Variants in AFF4 observed in about 807,000 individuals in gnomAD.
The protein encoded by AFF4 is AF4/FMR2 family member 4.
A neutral mutation model predicts 124.8 loss-of-function variants in AFF4; 13 were observed. The ratio of observed to expected loss-of-function variants is 0.10; its 90% confidence interval spans 0.07 to 0.17. The LOEUF (loss-of-function observed/expected upper bound fraction) is 0.17. AFF4 is among the 10% of genes least tolerant of loss of function. The probability of loss-of-function intolerance (pLI) is 1.00; values close to 1 mark genes in which losing one functional copy is unlikely to be tolerated. For missense variants in AFF4, 1,092 were observed against 1,403.8 expected, an observed-to-expected ratio of 0.78 and a Z score of 3.55; for synonymous variants, 477 against 496.1, an observed-to-expected ratio of 0.96 and a Z score of 0.51.
intron 3 of AFF4, among the ~76,000 whole-genome samples, chr5:132,933,172 C>A (rs565733418): frequency 4.0e-5 from 6 of 150,230 alleles, no homozygotes; most frequent in Non-Finnish European, 8.9e-5. Flanking sequence ...CCGAGGCGGG[C>A]GGATCACGTG....
At chr5:132,887,445 T>C in intron 17 of AFF4, 76 bp downstream of exon 17, 2 of 1,332,054 alleles carry the variant, frequency 1.5e-6, no homozygotes, top group Non-Finnish European at 2.1e-6. Flanking sequence ...AAGGAAAACA[T>C]TCAGAAGAGC....
At chr5:132,955,795 A>AATATATAT (rs966690877) in intron 1 of AFF4, among the ~76,000 whole-genome samples, 3 of 117,558 alleles carry the variant, frequency 2.6e-5, no homozygotes, top group African/African-American at 1.1e-4. Context: ...AAAAAAAAAA[A>AATATATAT]ATATATATAT....
chr5:132,888,567 A>T (rs750509209), intron 14 of AFF4, among the ~76,000 whole-genome samples: 8 of 152,216 alleles, frequency 5.3e-5, no homozygotes, highest in Non-Finnish European at 1.2e-4. Context: ...TGGAAGGCAG[A>T]TCATTCACAT....
chr5:132,879,604 A>G lies in AFF4; in HGVS notation c.*1455T>C, dbSNP rs1323055671. ...CTAGTGTAAAACTTCATTTGTAAAC[A>G]ATCCATAGAGTCTTCATTTAAAGGT... On this transcript the variant is annotated 3_prime_UTR_variant, in exon 21 of 21. Transcript: ENST00000265343. 4.8e-6 allele frequency: 1 copy of G among 208,428 alleles called. No homozygotes were observed. The highest frequency in any genetic ancestry group is 9.8e-6 in the Non-Finnish European group (1 of 102,154). 12.9% of individuals were successfully genotyped at this position (208,428 alleles called of 1,614,324 possible). A position where few individuals can be genotyped will look rare whatever the true frequency, so the allele number is the denominator to read the frequency against.
At chr5:132,935,037 G>A in intron 2 of AFF4, 96 bp from the exon 3 acceptor site, 1 of 1,019,050 alleles carries the variant, frequency 9.8e-7, no homozygotes, top group East Asian at 2.7e-5. Flanking sequence ...AATGGAAAGG[G>A]GCTTTTCAAA....
chr5:132,895,899 T>C (rs565476934), intron 11 of AFF4, among the ~76,000 whole-genome samples: 3 of 141,434 alleles, frequency 2.1e-5, no homozygotes, highest in South Asian at 2.2e-4. Context: ...TAGAGGTGCA[T>C]AGCAGATTAG....
chr5:132,931,084 G>A (rs58604748), intron 4 of AFF4, among the ~76,000 whole-genome samples: 16,995 of 146,256 alleles, frequency 0.12, 1,243 homozygotes, highest in South Asian at 0.19. Flanking sequence ...TCCAACCTGG[G>A]TGACAGAGTA....
At chr5:132,931,966 AC>A (rs1307589119) in intron 4 of AFF4, among the ~76,000 whole-genome samples, 1 of 152,058 alleles carries the variant, frequency 6.6e-6, no homozygotes, top group Non-Finnish European at 1.5e-5. Flanking sequence ...AACAACAACA[AC>A]AAAAAAAAAC....
intron 6 of AFF4, among the ~76,000 whole-genome samples, chr5:132,902,879 AC>A (rs1760584783): frequency 6.6e-6 from 1 of 152,216 alleles, no homozygotes; most frequent in African/African-American, 2.4e-5. Context: ...AATGGCAAAA[AC>A]TGGAAAAAAA....
At chr5:132,939,138 A>G (rs1157328445) in intron 1 of AFF4, among the ~76,000 whole-genome samples, 1 of 151,110 alleles carries the variant, frequency 6.6e-6, no homozygotes, top group Non-Finnish European at 1.5e-5. Flanking sequence ...AATCACTTGA[A>G]TCCAGGAGGC....
At chr5:132,897,709 TAAA>T (rs35269196) in intron 10 of AFF4, among the ~76,000 whole-genome samples, 5 of 144,532 alleles carry the variant, frequency 3.5e-5, no homozygotes, top group Non-Finnish European at 6.0e-5. Flanking sequence ...GACTCCATCT[TAAA>T]AAAAAAAAAA....
chr5:132,949,698 ACACGCGCGCG>A (rs1217128126), intron 1 of AFF4, among the ~76,000 whole-genome samples: 1 of 142,036 alleles, frequency 7.0e-6, no homozygotes, highest in Admixed American at 6.9e-5. Flanking sequence ...ACACACACAC[ACACGCGCGCG>A]CGCGCGCGCC....
At position 132,883,534 on chromosome 5, in the gene AFF4, A is replaced by G. The variant is rs1484284468; in HGVS notation, c.3170T>C (p.Val1057Ala). The G allele has an allele frequency of 2.5e-6, 4 of 1,613,768 alleles. No homozygotes were observed. Among genetic ancestry groups the G allele is most frequent in the Non-Finnish European group, 3.4e-6 (4 of 1,180,038 alleles). The change falls in exon 20 of 21, where the codon GTT becomes GCT. Residue 1057 changes from valine (V) to alanine (A), a missense_variant. By Grantham distance (64) the Val-to-Ala change is moderately conservative. This residue lies in a region of AFF4 where 173 missense variants were observed against 294.9 expected (regional missense o/e 0.59). Coordinates refer to ENST00000265343, the MANE Select transcript of AFF4 (RefSeq NM_014423.4). ...GSKAVGMPSP[V>A]SPKLSPGNSG... ...ATTGCCTGGTGACAGCTTTGGAGAA[A>G]CAGGGGAAGGCATCCCCACAGCTTT... is the stretch of plus-strand genomic sequence containing the variant.
rs66981854 is a variant in AFF4 at position 132,905,048 on chromosome 5, CA to C, written c.1051-645del. 7.0e-3 allele frequency among the ~76,000 whole-genome samples: 827 copies of C among 118,314 alleles called. 6 individuals are homozygous for C. The highest frequency in any genetic ancestry group is 0.029 in the Middle Eastern group (7 of 240). 77.6% of individuals were successfully genotyped at this position (118,314 alleles called of 152,430 possible). A position where few individuals can be genotyped will look rare whatever the true frequency, so the allele number is the denominator to read the frequency against. The stretch of plus-strand genomic sequence containing the variant: ...CTGGCAACAGGGCGAGACTCCATCT[CA>C]AAAAAAAAAAAAAAAAAGTATACCA... On this transcript the variant is annotated intron_variant, in intron 5 of 20. Transcript: ENST00000265343.
rs774082170 is a variant in AFF4, at chr5:132,934,662, G to T, written c.403C>A (p.Arg135=). The T allele has an allele frequency of 1.2e-6, 2 of 1,614,120 alleles. No individual in the cohort carries two copies. Among genetic ancestry groups the T allele is most frequent in the East Asian group, 4.5e-5 (2 of 44,880 alleles). Residue 135 remains arginine, a synonymous_variant, in exon 3 of 21, where the codon CGG becomes AGG. Transcript: ENST00000265343. ...SGLQSGHSSQ[R]TSAGSSSGTN... ...CCACTACTGCTACCTGCGCTGGTCC[G>T]CTGGCTACTATGTCCACTCTGTAAG...
chr5:132,897,841 AATG>A (rs1760447946), intron 10 of AFF4, among the ~76,000 whole-genome samples: 1 of 152,224 alleles, frequency 6.6e-6, no homozygotes, highest in South Asian at 2.1e-4. Flanking sequence ...AAAGTAAACA[AATG>A]ATGTAGGTAC....
In AFF4 at chr5:132,880,940, A is replaced by C. The variant is rs762338359; in HGVS notation, c.*119T>G. On this transcript the variant is annotated 3_prime_UTR_variant, in exon 21 of 21. Coordinates refer to ENST00000265343, the MANE Select transcript of AFF4 (RefSeq NM_014423.4). ...ATCAAAAACAACAACACATGAACCA[A>C]CGAGGAGAAAACTATTCCTCATTCT... The C allele has an allele frequency of 5.5e-5, 73 of 1,327,486 alleles. No individual in the cohort carries two copies. The South Asian group carries it at 8.2e-4, about 15-fold the overall frequency. The allele number at this position is 1,327,486 out of a possible 1,614,324, so 82.2% of individuals were successfully genotyped here. A position where few individuals can be genotyped will look rare whatever the true frequency, so the allele number is the denominator to read the frequency against.
At chr5:132,887,383 C>A in intron 17 of AFF4, 138 bp downstream of exon 17, 2 of 741,912 alleles carry the variant, frequency 2.7e-6, no homozygotes, top group Non-Finnish European at 4.3e-6. Flanking sequence ...GAGTTACTTC[C>A]TGCTTGACCC....
In AFF4 at chr5:132,876,429, G is replaced by T; in HGVS notation, c.*4630C>A. 4.5e-6 allele frequency: 1 copy of T among 224,664 alleles called. No homozygotes were observed. Among genetic ancestry groups the T allele is most frequent in the Non-Finnish European group, 8.9e-6 (1 of 112,564 alleles). The allele number at this position is 224,664 out of a possible 1,614,324, so 13.9% of individuals were successfully genotyped here. Reference sequence around the variant, plus strand: ...TAAAAGCTGAAAAGAAGTCCCACATGGAAGCAGTAAGAGGTCAAAACTGAG... The same window carrying T: ...TAAAAGCTGAAAAGAAGTCCCACATTGAAGCAGTAAGAGGTCAAAACTGAG... On this transcript the variant is annotated 3_prime_UTR_variant, in exon 21 of 21. Transcript: ENST00000265343.
Sources: allele counts gnomAD v4.1 joint callset (sites outside exome capture counted in the v4.1 genomes callset), GRCh38; gene constraint gnomAD v4.1.1; regional missense constraint gnomAD v4.1.1; transcripts MANE v1.5; gene names NCBI Gene and HGNC (gene_info 2026-07-23, HGNC 2026-07-21).